The following CCSER1 variants were observed in gnomAD, a reference collection of about 807,000 sequenced individuals.
CCSER1 encodes the protein serine-rich coiled-coil domain-containing protein 1.
Under a neutral mutation model 82.0 loss-of-function variants are expected in CCSER1, and 41 were observed. That is an observed-to-expected ratio of 0.50 (90% CI 0.39 to 0.65). CCSER1 has a LOEUF of 0.65. CCSER1 is among the 30% of genes least tolerant of loss of function. The pLI is 0.00. For synonymous variants in CCSER1, 414 were observed against 383.9 expected, an observed-to-expected ratio of 1.08 and a Z score of -0.92; for missense variants, 1,119 against 1,064.2, an observed-to-expected ratio of 1.05 and a Z score of -0.72.
chr4:90,305,933 T>C (rs1390338714), intron 1 of CCSER1, among the ~76,000 whole-genome samples: 1 of 152,216 alleles, frequency 6.6e-6, no homozygotes, highest in Non-Finnish European at 1.5e-5. Flanking sequence ...AACCTAAGTG[T>C]ACATCTGTGG....
intron 1 of CCSER1, among the ~76,000 whole-genome samples, chr4:90,140,715 A>C (rs1042853606): frequency 1.7e-5 from 2 of 120,086 alleles, no homozygotes; most frequent in African/African-American, 3.3e-5. Context: ...GCCAGGCTAG[A>C]GTGCTGTGGT....
chr4:91,404,788 A>G (rs1425957208), intron 10 of CCSER1, among the ~76,000 whole-genome samples: 4 of 152,096 alleles, frequency 2.6e-5, no homozygotes, highest in Admixed American at 1.3e-4. Flanking sequence ...GTTCTTTTAC[A>G]TTTGCTGAGG....
intron 4 of CCSER1, among the ~76,000 whole-genome samples, chr4:90,408,898 T>C: frequency 6.6e-6 from 1 of 152,142 alleles, no homozygotes. Flanking sequence ...ATTAGATGAA[T>C]GGATAACTGG....
At chr4:91,245,432 C>T (rs543243302) in intron 10 of CCSER1, among the ~76,000 whole-genome samples, 2 of 151,990 alleles carry the variant, frequency 1.3e-5, no homozygotes, top group Non-Finnish European at 2.9e-5. Context: ...AATGAAACTC[C>T]AAAACATCTA....
chr4:91,188,219 C>A (rs1309735116), intron 10 of CCSER1, among the ~76,000 whole-genome samples: 3 of 152,094 alleles, frequency 2.0e-5, no homozygotes, highest in Non-Finnish European at 4.4e-5. Flanking sequence ...TGAAAATGTT[C>A]TGTTTTAATA....
At chr4:90,329,148 G>A in intron 3 of CCSER1, among the ~76,000 whole-genome samples, 1 of 143,838 alleles carries the variant, frequency 7.0e-6, no homozygotes, top group African/African-American at 2.5e-5. Context: ...TATGAACAAA[G>A]TAGGAAAACT....
chr4:91,278,341 G>A (rs1171729229), intron 10 of CCSER1, among the ~76,000 whole-genome samples: 1 of 152,052 alleles, frequency 6.6e-6, no homozygotes, highest in East Asian at 1.9e-4. Flanking sequence ...GGTAATGTTT[G>A]CTTTATGTAT....
At chr4:90,657,381 G>T (rs1729889099) in intron 6 of CCSER1, among the ~76,000 whole-genome samples, 1 of 151,992 alleles carries the variant, frequency 6.6e-6, no homozygotes, top group Non-Finnish European at 1.5e-5. Flanking sequence ...CCTTTACATA[G>T]AATTTTATTT....
intron 3 of CCSER1, among the ~76,000 whole-genome samples, chr4:90,366,709 T>C (rs1014752259): frequency 6.6e-6 from 1 of 151,852 alleles, no homozygotes; most frequent in African/African-American, 2.4e-5. Context: ...TGTTTAATTA[T>C]TTGGGTTTTT....
chr4:90,149,008 A>G (rs1474464587), intron 1 of CCSER1, among the ~76,000 whole-genome samples: 5 of 152,122 alleles, frequency 3.3e-5, no homozygotes, highest in African/African-American at 1.2e-4. Flanking sequence ...CTTTGTTAGA[A>G]TTTTATCAGT....
chr4:90,931,668 A>G (rs934400651), intron 9 of CCSER1, among the ~76,000 whole-genome samples: 6 of 152,010 alleles, frequency 3.9e-5, no homozygotes, highest in Middle Eastern at 3.2e-3. Flanking sequence ...AAGTTACCTA[A>G]TTTTTCCCTC....
At chr4:91,357,980 A>G (rs886825600) in intron 10 of CCSER1, among the ~76,000 whole-genome samples, 2 of 147,150 alleles carry the variant, frequency 1.4e-5, no homozygotes, top group South Asian at 4.3e-4. Context: ...AGAAGTTACC[A>G]TAATACATGT....
At chr4:91,186,047 C>T (rs1433212375) in intron 10 of CCSER1, among the ~76,000 whole-genome samples, 2 of 152,200 alleles carry the variant, frequency 1.3e-5, no homozygotes, top group African/African-American at 2.4e-5. Context: ...CTAAATCACC[C>T]TCTCGTCTAG....
chr4:90,642,683 A>T (rs1356382554), intron 6 of CCSER1, among the ~76,000 whole-genome samples: 1 of 152,030 alleles, frequency 6.6e-6, no homozygotes, highest in Non-Finnish European at 1.5e-5. Context: ...CTAAAAATAA[A>T]ATTGTTAGGT....
intron 7 of CCSER1, among the ~76,000 whole-genome samples, chr4:90,783,007 C>T (rs1754019911): frequency 6.6e-6 from 1 of 152,034 alleles, no homozygotes. Flanking sequence ...AATTTTGGCT[C>T]ACTGCAACAC....
intron 10 of CCSER1, among the ~76,000 whole-genome samples, chr4:91,318,399 C>A (rs2149261673): frequency 6.6e-6 from 1 of 152,018 alleles, no homozygotes; most frequent in East Asian, 1.9e-4. Context: ...TTCCTATTAC[C>A]TACCTACTGG....
At chr4:90,429,276 T>C (rs538685554) in intron 4 of CCSER1, among the ~76,000 whole-genome samples, 22 of 151,908 alleles carry the variant, frequency 1.4e-4, no homozygotes, top group Admixed American at 1.4e-3. Context: ...ACATTGCCAT[T>C]GTAGAAGTCC....
At chr4:90,710,714 G>A (rs765466904) in intron 6 of CCSER1, among the ~76,000 whole-genome samples, 48 of 152,094 alleles carry the variant, frequency 3.2e-4, no homozygotes, top group Non-Finnish European at 6.0e-4. Context: ...TCAGTACCAT[G>A]CTGATTTGAT....
chr4:91,283,914 T>C (rs1047477522), intron 10 of CCSER1, among the ~76,000 whole-genome samples: 6 of 152,128 alleles, frequency 3.9e-5, no homozygotes, highest in Non-Finnish European at 8.8e-5. Context: ...TGCTGTAGCA[T>C]GGCATGCTGA....
Sources: allele counts gnomAD v4.1 joint callset (sites outside exome capture counted in the v4.1 genomes callset), GRCh38; gene constraint gnomAD v4.1.1; transcripts MANE v1.5; gene names NCBI Gene and HGNC (gene_info 2026-07-23, HGNC 2026-07-21).